The following LYPLA1 variants were observed in gnomAD, a reference collection of about 807,000 sequenced individuals.
The protein encoded by LYPLA1 is lysophospholipase 1, also known as acyl-protein thioesterase 1.
A neutral mutation model predicts 34.0 loss-of-function variants in LYPLA1; 17 were observed. That is an observed-to-expected ratio of 0.50 (90% CI 0.34 to 0.75). The LOEUF is 0.75. Among genes scored for constraint, LYPLA1 ranks in the 30% least tolerant of loss-of-function variants. LYPLA1 has a pLI of 0.01. For missense variants in LYPLA1, 203 were observed against 288.8 expected (o/e 0.70, Z 2.15); for synonymous variants, 98 against 100.8 (o/e 0.97, Z 0.17).
At chr8:54,048,808 C>T (rs1805645729) in intron 8 of LYPLA1, among the ~76,000 whole-genome samples, 1 of 152,156 alleles carries the variant, frequency 6.6e-6, no homozygotes, top group Non-Finnish European at 1.5e-5. Flanking sequence ...AAAAGAGCCC[C>T]AGCATGAAAG....
At chr8:54,081,446 C>A (rs866024605) in intron 2 of LYPLA1, among the ~76,000 whole-genome samples, 3 of 150,190 alleles carry the variant, frequency 2.0e-5, no homozygotes. Context: ...AAAAAAAAAA[C>A]AACTGGAAGA....
chr8:54,095,232 G>A (rs576892577), intron 2 of LYPLA1, among the ~76,000 whole-genome samples: 1 of 152,144 alleles, frequency 6.6e-6, no homozygotes, highest in Non-Finnish European at 1.5e-5. Context: ...ACTGACCTCA[G>A]ATGATCCTCC....
chr8:54,072,084 C>A (rs1284795478), intron 2 of LYPLA1, among the ~76,000 whole-genome samples: 1 of 152,052 alleles, frequency 6.6e-6, no homozygotes, highest in Non-Finnish European at 1.5e-5. Flanking sequence ...TAAGGTCACA[C>A]ACCTACAACT....
chr8:54,083,765 G>A lies in LYPLA1; in HGVS notation c.101+17143C>T, dbSNP rs897662445. Among the ~76,000 whole-genome samples, 50 of 152,134 alleles carry A rather than the reference G, an allele frequency of 3.3e-4. 1 individual carries two copies. The highest frequency in any genetic ancestry group is 6.6e-4 in the Non-Finnish European group (45 of 68,024). On this transcript the variant is annotated intron_variant, in intron 2 of 8. Coordinates refer to ENST00000316963, the MANE Select transcript of LYPLA1 (RefSeq NM_006330.4). ...AACCATTTAGAAAAAGTAAAAACAC[G>A]CAGCAGCGAAAATGCATAGGATGCA...
At chr8:54,055,746 C>T (rs1279310316) in intron 5 of LYPLA1, among the ~76,000 whole-genome samples, 1 of 151,712 alleles carries the variant, frequency 6.6e-6, no homozygotes, top group African/African-American at 2.4e-5. Flanking sequence ...TGGATTCATG[C>T]CATTCTCCTG....
chr8:54,049,954 TCTC>T (rs754567344), intron 8 of LYPLA1, among the ~76,000 whole-genome samples: 1 of 152,130 alleles, frequency 6.6e-6, no homozygotes, highest in Non-Finnish European at 1.5e-5. Context: ...ACATTACACA[TCTC>T]CTTCCCACTC....
intron 7 of LYPLA1, among the ~76,000 whole-genome samples, 187 bp from the exon 8 acceptor site, chr8:54,051,375 C>A (rs1265107063): frequency 1.3e-5 from 2 of 152,168 alleles, no homozygotes; most frequent in African/African-American, 2.4e-5. Context: ...TGTATGATCA[C>A]CTTGCCTCAT....
intron 3 of LYPLA1, among the ~76,000 whole-genome samples, chr8:54,065,516 C>G (rs947181537): frequency 6.6e-6 from 1 of 151,134 alleles, no homozygotes; most frequent in African/African-American, 2.4e-5. Flanking sequence ...TTAAGTTCAG[C>G]TGACCTCCAA....
intron 2 of LYPLA1, among the ~76,000 whole-genome samples, chr8:54,081,657 T>G (rs1346203746): frequency 1.3e-5 from 2 of 151,658 alleles, no homozygotes; most frequent in Admixed American, 1.3e-4. Context: ...CCTCGTGATC[T>G]GCCCACCTTG....
intron 2 of LYPLA1, among the ~76,000 whole-genome samples, chr8:54,077,525 G>A (rs1421351914): frequency 4.6e-5 from 7 of 152,184 alleles, no homozygotes; most frequent in Non-Finnish European, 1.0e-4. Context: ...TCTGGGCACG[G>A]TGGCTCACGC....
intron 2 of LYPLA1, among the ~76,000 whole-genome samples, chr8:54,088,671 G>T (rs952283736): frequency 2.0e-5 from 3 of 152,204 alleles, no homozygotes; most frequent in Non-Finnish European, 4.4e-5. Context: ...CAAACGTGCA[G>T]AGTAGTATTA....
At position 54,062,309 on chromosome 8, in the gene LYPLA1, C is replaced by A; in HGVS notation, c.231G>T (p.Gly77=). 1.2e-5 allele frequency: 19 copies of A among 1,604,788 alleles called. No homozygotes were observed. Among genetic ancestry groups the A allele is most frequent in the Non-Finnish European group, 1.6e-5 (19 of 1,176,578 alleles). ...VAMPSWFDII[G]LSPDSQEDES... ...CATCCTCCTGTGAATCTGGTGAAAG[C>A]CCAATAATATCAAACCTGTAAAATA... is the stretch of plus-strand genomic sequence containing the variant. The change falls in exon 5 of 9, where the codon GGG becomes GGT. Residue 77 remains glycine (G), a synonymous_variant. Coordinates refer to ENST00000316963, the MANE Select transcript of LYPLA1 (RefSeq NM_006330.4).
chr8:54,082,403 T>C (rs1001302536), intron 2 of LYPLA1, among the ~76,000 whole-genome samples: 7 of 152,116 alleles, frequency 4.6e-5, no homozygotes, highest in Admixed American at 2.6e-4. Context: ...CAAGAACTAA[T>C]CCTTTTTTTA....
chr8:54,051,068 G>C lies in LYPLA1; in HGVS notation c.583C>G (p.Pro195Ala), dbSNP rs201245510. The change falls in exon 8 of 9, where the codon CCA becomes GCA. Residue 195 changes from proline to alanine, a missense_variant. Transcript: ENST00000316963. The stretch of plus-strand genomic sequence containing the variant: ...TAGGTTTTAAAGGTCACATTGGCTG[G>C]ATTCACCAATGTTTTTAGTTTTTCC... Reference protein sequence around the residue: ...TVEKLKTLVNPANVTFKTYEG... With the variant: ...TVEKLKTLVNAANVTFKTYEG... 1.4e-4 allele frequency: 218 copies of C among 1,613,814 alleles called. 2 individuals are homozygous for C. The African/African-American group carries it at 2.4e-3, about 18-fold the overall frequency.
intron 5 of LYPLA1, among the ~76,000 whole-genome samples, chr8:54,056,530 T>C (rs1046298533): frequency 6.6e-6 from 1 of 152,048 alleles, no homozygotes; most frequent in African/African-American, 2.4e-5. Context: ...GAGAAAATAT[T>C]TGGAAACTAC....
In LYPLA1 at chr8:54,067,879, G is replaced by A. The variant is rs1563600703; in HGVS notation, c.102-2066C>T. The stretch of plus-strand genomic sequence containing the variant: ...TTTTTTTGTATTTTTAGTAGAGACG[G>A]GGTTTTACTGTGTTAGCCAGGATGG... On this transcript the variant is annotated intron_variant, in intron 2 of 8. Transcript: ENST00000316963. Among the ~76,000 whole-genome samples, 5 of 151,820 alleles carry A rather than the reference G, an allele frequency of 3.3e-5. No individual in the cohort carries two copies. In the South Asian group the frequency reaches 1.0e-3, roughly 32 times the overall value.
chr8:54,051,452 C>A (rs1389040571), intron 7 of LYPLA1, among the ~76,000 whole-genome samples: 2 of 151,740 alleles, frequency 1.3e-5, no homozygotes, highest in Admixed American at 6.6e-5. Context: ...TTTTTTGTTT[C>A]GTTTAGTTTT....
intron 2 of LYPLA1, among the ~76,000 whole-genome samples, chr8:54,083,059 G>A (rs1001865451): frequency 5.9e-5 from 9 of 152,138 alleles, no homozygotes; most frequent in Non-Finnish European, 1.0e-4. Context: ...AATGTTCGCA[G>A]ACATCATTTT....
rs374646419 is a variant in LYPLA1 at position 54,091,386 on chromosome 8, A to G, written c.101+9522T>C. Among the ~76,000 whole-genome samples, 5 of 151,748 alleles carry G rather than the reference A, an allele frequency of 3.3e-5. No homozygotes were observed. In the East Asian group the frequency reaches 5.9e-4, roughly 18 times the overall value. On this transcript the variant is annotated intron_variant, in intron 2 of 8. Transcript: ENST00000316963. ...ACCTGTAATCCCAGCTACTCAGAAGACTGAGGCAGAGAATCGCTTGAACCC... is the reference window on the plus strand; with the variant it reads ...ACCTGTAATCCCAGCTACTCAGAAGGCTGAGGCAGAGAATCGCTTGAACCC...
Sources: gnomAD v4.1 joint callset for allele counts (sites outside exome capture counted in the v4.1 genomes callset) on GRCh38, gnomAD v4.1.1 for gene constraint, MANE v1.5 for transcripts, NCBI Gene and HGNC (gene_info 2026-07-23, HGNC 2026-07-21) for gene names.